The following PAFAH1B1 variants were observed in gnomAD, a reference collection of about 807,000 sequenced individuals.
PAFAH1B1 encodes platelet activating factor acetylhydrolase 1b regulatory subunit 1, also known as platelet-activating factor acetylhydrolase IB subunit beta.
Under a neutral mutation model 57.5 loss-of-function variants are expected in PAFAH1B1, and 2 were observed. That is an observed-to-expected ratio of 0.03 (90% CI 0.01 to 0.11). The LOEUF is 0.11. Ranked by LOEUF, PAFAH1B1 falls within the 10% of genes least tolerant of loss-of-function variation. The pLI is 1.00. For missense variants in PAFAH1B1, 257 were observed against 512.0 expected, an observed-to-expected ratio of 0.50 and a Z score of 4.81; for synonymous variants, 152 against 169.6, an observed-to-expected ratio of 0.90 and a Z score of 0.81.
chr17:2,652,686 C>T (rs753983550), intron 2 of PAFAH1B1, among the ~76,000 whole-genome samples: 3 of 152,174 alleles, frequency 2.0e-5, no homozygotes, highest in Non-Finnish European at 4.4e-5. Context: ...TGTACTATAG[C>T]TGCACATGTT....
intron 9 of PAFAH1B1, 105 bp downstream of exon 9, chr17:2,676,711 A>T (rs980651830): frequency 2.6e-6 from 2 of 770,540 alleles, no homozygotes; most frequent in African/African-American, 3.5e-5. Context: ...TCTGGGCTTT[A>T]AAATAACTTC....
intron 2 of PAFAH1B1, among the ~76,000 whole-genome samples, chr17:2,644,358 A>G (rs972349011): frequency 1.3e-5 from 2 of 152,134 alleles, no homozygotes. Context: ...CCTGGCTAAC[A>G]TGGTGAAACC....
intron 1 of PAFAH1B1, among the ~76,000 whole-genome samples, chr17:2,619,683 C>G (rs1054922441): frequency 7.9e-5 from 12 of 152,138 alleles, no homozygotes; most frequent in Non-Finnish European, 1.5e-4. Flanking sequence ...CTATTCCTCA[C>G]TGAATCTTTT....
chr17:2,599,971 C>CTTTTTTT (rs34442256), intron 1 of PAFAH1B1, among the ~76,000 whole-genome samples: 7 of 82,792 alleles, frequency 8.5e-5, no homozygotes, highest in Non-Finnish European at 1.1e-4. Flanking sequence ...CATTTTTAAC[C>CTTTTTTT]TTTTTTTTTT....
chr17:2,634,575 T>C (rs1021372209), intron 1 of PAFAH1B1, among the ~76,000 whole-genome samples: 10 of 152,212 alleles, frequency 6.6e-5, no homozygotes, highest in Non-Finnish European at 1.3e-4. Context: ...TATTTACTCC[T>C]GTTGTCCTAA....
At chr17:2,594,728 C>T (rs1470396436) in intron 1 of PAFAH1B1, among the ~76,000 whole-genome samples, 1 of 152,216 alleles carries the variant, frequency 6.6e-6, no homozygotes, top group East Asian at 1.9e-4. Context: ...GCTCCTCGGT[C>T]GGGAGTTGCC....
intron 9 of PAFAH1B1, among the ~76,000 whole-genome samples, chr17:2,677,910 C>T (rs2069297574): frequency 6.6e-6 from 1 of 152,048 alleles, no homozygotes; most frequent in South Asian, 2.1e-4. Context: ...TAGTAGTATT[C>T]TGAGCGGAGT....
chr17:2,599,115 CATT>C (rs1422874028), intron 1 of PAFAH1B1, among the ~76,000 whole-genome samples: 1 of 152,206 alleles, frequency 6.6e-6, no homozygotes. Context: ...TGTCTTTTAA[CATT>C]GTCATAAACG....
intron 1 of PAFAH1B1, among the ~76,000 whole-genome samples, chr17:2,634,949 A>C (rs2068602922): frequency 6.6e-6 from 1 of 152,146 alleles, no homozygotes; most frequent in Non-Finnish European, 1.5e-5. Flanking sequence ...GATCACTTGA[A>C]GTCAGGAGTT....
chr17:2,684,074 C>CTT lies in PAFAH1B1; in HGVS notation c.*2272_*2273insTT, dbSNP rs2069429058. 6.6e-6 allele frequency: 1 copy of CTT among 152,642 alleles called. No individual in the cohort carries two copies. The allele number at this position is 152,642 out of a possible 1,614,324, so 9.5% of individuals were successfully genotyped here. ...GAGGAGGAAACGATTACTCTGTAAA[C>CTT]AAAGTTATCCTTACTTGGGAGATTG... is the stretch of plus-strand genomic sequence containing the variant. On this transcript the variant is annotated 3_prime_UTR_variant, in exon 11 of 11. Transcript: ENST00000397195.
Position 2,681,890 on chromosome 17 carries a change from A to C in PAFAH1B1, c.*88A>C, listed in dbSNP as rs1391841555. The C allele has an allele frequency of 1.1e-6, 1 of 889,490 alleles. No individual in the cohort carries two copies. The highest frequency in any genetic ancestry group is 2.6e-5 in the East Asian group (1 of 38,510). 55.1% of individuals were successfully genotyped at this position (889,490 alleles called of 1,614,324 possible). On this transcript the variant is annotated 3_prime_UTR_variant, in exon 11 of 11. Coordinates refer to ENST00000397195, the MANE Select transcript of PAFAH1B1 (RefSeq NM_000430.4). ...TACCCCATTGAGCTCTGTTTAAATA[A>C]ATATTGTCCTTTCATGTAAATTATT...
At chr17:2,664,981 G>GTTTA (rs10667274) in intron 2 of PAFAH1B1, among the ~76,000 whole-genome samples, 1 of 151,662 alleles carries the variant, frequency 6.6e-6, no homozygotes, top group Non-Finnish European at 1.5e-5. Context: ...GCCCTTGAGT[G>GTTTA]TATAACAAGT....
At chr17:2,656,009 C>T (rs990741827) in intron 2 of PAFAH1B1, among the ~76,000 whole-genome samples, 45 of 151,974 alleles carry the variant, frequency 3.0e-4, no homozygotes, top group African/African-American at 9.2e-4. Context: ...CTGCAACCTC[C>T]GCCCCTGGGT....
rs558733402 is a variant in PAFAH1B1 at position 2,652,268 on chromosome 17, G to A, written c.33-13104G>A. 5.5e-3 allele frequency among the ~76,000 whole-genome samples: 839 copies of A among 151,838 alleles called. 7 individuals carry two copies. The highest frequency in any genetic ancestry group is 0.018 in the African/African-American group (744 of 41,328). ...TACTAAAAATACAAAAAAAAAAATT[G>A]GCCGGGCGTGGTGGCGGGTGCCTGT... On this transcript the variant is annotated intron_variant, in intron 2 of 10. Coordinates refer to ENST00000397195, the MANE Select transcript of PAFAH1B1 (RefSeq NM_000430.4).
At chr17:2,666,961 A>T (rs746919551) in intron 4 of PAFAH1B1, 31 bp from the exon 5 acceptor site, 1 of 1,509,316 alleles carries the variant, frequency 6.6e-7, no homozygotes, top group African/African-American at 1.4e-5. Flanking sequence ...ATTGAAATCT[A>T]TCTGTACGTA....
Position 2,626,558 on chromosome 17 carries a change from C to G in PAFAH1B1, c.-190-11541C>G, listed in dbSNP as rs1271021211. ...TGAACCGGCATCACCTTTCTTCCCC[C>G]CCCCCCCCCCCCCGAGGCGGAGTCT... On this transcript the variant is annotated intron_variant, in intron 1 of 10. Coordinates refer to ENST00000397195, the MANE Select transcript of PAFAH1B1 (RefSeq NM_000430.4). Among the ~76,000 whole-genome samples the G allele has an allele frequency of 2.0e-3, 77 of 38,052 alleles. 5 individuals carry two copies. Among genetic ancestry groups the G allele is most frequent in the Non-Finnish European group, 4.6e-3 (65 of 14,106 alleles). The allele number at this position is 38,052 out of a possible 152,430, so 25.0% of individuals were successfully genotyped here. A position where few individuals can be genotyped will look rare whatever the true frequency, so the allele number is the denominator to read the frequency against.
chr17:2,622,723 G>A (rs1411074735), intron 1 of PAFAH1B1, among the ~76,000 whole-genome samples: 1 of 152,116 alleles, frequency 6.6e-6, no homozygotes, highest in Non-Finnish European at 1.5e-5. Context: ...CTCACAGCTG[G>A]GACTCACAGT....
intron 1 of PAFAH1B1, among the ~76,000 whole-genome samples, chr17:2,600,790 C>T (rs927675172): frequency 3.9e-5 from 6 of 151,942 alleles, no homozygotes; most frequent in Non-Finnish European, 5.9e-5. Context: ...AGTACAGTGG[C>T]GCGATCTCGG....
intron 2 of PAFAH1B1, among the ~76,000 whole-genome samples, chr17:2,644,298 T>C (rs2068737627): frequency 6.6e-6 from 1 of 152,106 alleles, no homozygotes; most frequent in African/African-American, 2.4e-5. Flanking sequence ...TCCCAGCACT[T>C]TGGGAGGCCG....
Sources: gnomAD v4.1 joint callset for allele counts (sites outside exome capture counted in the v4.1 genomes callset) on GRCh38, gnomAD v4.1.1 for gene constraint, MANE v1.5 for transcripts, NCBI Gene and HGNC (gene_info 2026-07-23, HGNC 2026-07-21) for gene names.